Variants in TTLL10 observed in about 807,000 individuals in gnomAD.
TTLL10 encodes tubulin tyrosine ligase like 10.
TTLL10 carries 61 observed loss-of-function variants against 69.0 expected under a neutral mutation model. The observed-to-expected ratio is 0.88, with a 90% confidence interval of 0.72 to 1.09. The LOEUF is 1.09. Ranked by LOEUF, TTLL10 falls within the 50% of genes least tolerant of loss-of-function variation. The pLI, the probability that TTLL10 is intolerant of heterozygous loss-of-function variation, is 0.00. For missense variants in TTLL10, 962 were observed against 945.9 expected (o/e 1.02, Z -0.22); for synonymous variants, 408 against 393.3 (o/e 1.04, Z -0.44).
At position 1,180,517 on chromosome 1, in the gene TTLL10, C is replaced by T. The variant is rs1223923393; in HGVS notation, c.541C>T (p.Arg181Cys). The T allele has an allele frequency of 3.9e-6, 6 of 1,552,882 alleles. No individual in the cohort carries two copies. Among genetic ancestry groups the T allele is most frequent in the Middle Eastern group, 1.7e-4 (1 of 5,864 alleles). The change falls in exon 7 of 16, where the codon CGC becomes TGC. Residue 181 changes from arginine (R) to cysteine (C), a missense_variant. Arg to Cys is a radical substitution (Grantham distance 180). Coordinates refer to ENST00000379289, the MANE Select transcript of TTLL10 (RefSeq NM_001130045.2). ...SSYCKSKGWQ[R>C]IHDSRRDDYT... The stretch of plus-strand genomic sequence containing the variant: ...CTACTGCAAAAGCAAGGGCTGGCAG[C>T]GCATCCATGACAGCCGCCGGGACGA...
chr1:1,187,076 G>A (rs532602751), intron 13 of TTLL10, among the ~76,000 whole-genome samples: 55 of 151,746 alleles, frequency 3.6e-4, no homozygotes, highest in African/African-American at 1.3e-3. Flanking sequence ...TCGATCTCCT[G>A]ACCTCGTGAT....
At chr1:1,175,532 A>G (rs1236187653) in intron 3 of TTLL10, 2 of 373,860 alleles carry the variant, frequency 5.3e-6, no homozygotes, top group African/African-American at 2.1e-5. Flanking sequence ...TGTTTTCCTC[A>G]GAGTTGGCGA....
At chr1:1,175,274 C>T (rs1056233528) in intron 3 of TTLL10, 101 of 201,244 alleles carry the variant, frequency 5.0e-4, no homozygotes, top group African/African-American at 2.6e-3. Flanking sequence ...CCTCTTCCAG[C>T]TGCTGCTTCT....
intron 13 of TTLL10, among the ~76,000 whole-genome samples, chr1:1,190,394 C>G (rs72894023): frequency 0.11 from 16,222 of 151,500 alleles, 1,206 homozygotes; most frequent in African/African-American, 0.22. Flanking sequence ...TTCCTTCTTA[C>G]TACTTGCCTT....
At chr1:1,187,759 G>C (rs1240336944) in intron 13 of TTLL10, among the ~76,000 whole-genome samples, 1 of 152,162 alleles carries the variant, frequency 6.6e-6, no homozygotes. Context: ...ACAAAAATTA[G>C]CTGGGTGTGG....
intron 3 of TTLL10, 73 bp from the exon 4 acceptor site, chr1:1,179,116 C>T (rs1005822272): frequency 2.9e-5 from 30 of 1,052,416 alleles, no homozygotes; most frequent in Non-Finnish European, 3.5e-5. Flanking sequence ...TGACTGCCTG[C>T]TCCATCCAAG....
rs746808559 is a variant in TTLL10 at position 1,197,687 on chromosome 1, G to A, written c.1862G>A (p.Arg621His). 38 of 1,508,746 alleles carry A rather than the reference G, an allele frequency of 2.5e-5. No homozygotes were observed. The highest frequency in any genetic ancestry group is 4.9e-5 in the South Asian group (4 of 81,636). The allele number at this position is 1,508,746 out of a possible 1,614,324, so 93.5% of individuals were successfully genotyped here. The change falls in exon 16 of 16, where the codon CGT becomes CAT. Residue 621 changes from arginine to histidine, a missense_variant. By Grantham distance (29) the Arg-to-His change is conservative (BLOSUM62 0). Transcript: ENST00000379289. ...GCGCCACCTCCCTTGGTGCCGCAGC[G>A]TCCCCGGCCACCCGGCCCCGACCTG... ...RPAPPPLVPQ[R>H]PRPPGPDLDS...
chr1:1,194,060 A>G (rs1648028961), intron 13 of TTLL10, among the ~76,000 whole-genome samples: 1 of 152,118 alleles, frequency 6.6e-6, no homozygotes. Flanking sequence ...GGGGGCTGAG[A>G]TGGGAGGATC....
In TTLL10 at chr1:1,185,804, C is replaced by T; in HGVS notation, c.1401+695C>T. The T allele has an allele frequency of 1.0e-6, 1 of 985,496 alleles. No homozygotes were observed. The highest frequency in any genetic ancestry group is 1.2e-6 in the Non-Finnish European group (1 of 829,948). 61.0% of individuals were successfully genotyped at this position (985,496 alleles called of 1,614,324 possible). A position where few individuals can be genotyped will look rare whatever the true frequency, so the allele number is the denominator to read the frequency against. On this transcript the variant is annotated intron_variant, in intron 13 of 15. Coordinates refer to ENST00000379289, the MANE Select transcript of TTLL10 (RefSeq NM_001130045.2). This position sits in a 1 kb window ranked among gnomAD's most constrained non-coding sequence, Gnocchi z 6.1. ...GAGGAGCCTCCAGTTACTTTCCTCA[C>T]ATCTCCCAAACTCTCTCTTAATTGC...
Position 1,180,214 on chromosome 1 carries a change from AC to A in TTLL10, c.381del (p.Asp127GlufsTer66). 1.2e-6 allele frequency: 2 copies of A among 1,610,554 alleles called. No individual in the cohort carries two copies. Among genetic ancestry groups the A allele is most frequent in the Non-Finnish European group, 1.7e-6 (2 of 1,179,140 alleles). ...LNSHRPADSD[D>X]TNAAGPSAAL... ...AGCCACCGGCCTGCAGACTCGGATG[AC>A]ACTAACGCCGCCGGGCCCTCAGCTG... On this transcript the variant is annotated frameshift_variant, in exon 6 of 16. Transcript: ENST00000379289. LOFTEE classifies it high-confidence loss of function.
In TTLL10 at chr1:1,179,062, A is replaced by G. The variant is rs1045175528; in HGVS notation, c.-27-127A>G. 32 of 631,358 alleles carry G rather than the reference A, an allele frequency of 5.1e-5. No individual in the cohort carries two copies. In the Middle Eastern group the frequency reaches 1.7e-3, roughly 34 times the overall value. 39.1% of individuals were successfully genotyped at this position (631,358 alleles called of 1,614,324 possible). On this transcript the variant is annotated intron_variant, in intron 3 of 15. Transcript: ENST00000379289. ...GGAGCCAGCCGCACGCAGAGGCTCA[A>G]GCCCACGGCCCTGGGAGGCGCCCTT...
intron 3 of TTLL10, chr1:1,176,461 C>G (rs995517564): frequency 2.9e-5 from 13 of 451,946 alleles, no homozygotes; most frequent in Admixed American, 7.1e-5. Context: ...CCTGACAGCT[C>G]ACTCCTGTGA....
At chr1:1,194,124 C>G (rs1390411642) in intron 13 of TTLL10, among the ~76,000 whole-genome samples, 1 of 152,082 alleles carries the variant, frequency 6.6e-6, no homozygotes, top group African/African-American at 2.4e-5. Flanking sequence ...CCACATTACC[C>G]CAGCCTAGGT....
rs1240368856 is a variant in TTLL10, at chr1:1,185,841, G to A, written c.1401+732G>A. On this transcript the variant is annotated intron_variant, in intron 13 of 15. Coordinates refer to ENST00000379289, the MANE Select transcript of TTLL10 (RefSeq NM_001130045.2). This position sits in a 1 kb window ranked among gnomAD's most constrained non-coding sequence, Gnocchi z 6.1. ...TCTCTCTTAATTGCGATAATTCACA[G>A]AACATAAAATTCACGATCTTAAAGT... 3 of 985,106 alleles carry A rather than the reference G, an allele frequency of 3.0e-6. No individual in the cohort carries two copies. Among genetic ancestry groups the A allele is most frequent in the African/African-American group, 1.7e-5 (1 of 57,210 alleles). The allele number at this position is 985,106 out of a possible 1,614,324, so 61.0% of individuals were successfully genotyped here.
chr1:1,187,553 C>A (rs2100900998), intron 13 of TTLL10, among the ~76,000 whole-genome samples: 1 of 152,110 alleles, frequency 6.6e-6, no homozygotes, highest in South Asian at 2.1e-4. Context: ...TTGCTTGAAC[C>A]CGGGAGGTGG....
Position 1,183,011 on chromosome 1 carries a change from C to A in TTLL10, c.1052C>A (p.Thr351Lys). 6.2e-7 allele frequency: 1 copy of A among 1,609,550 alleles called. No homozygotes were observed. The highest frequency in any genetic ancestry group is 8.5e-7 in the Non-Finnish European group (1 of 1,178,420). Residue 351 changes from threonine (T) to lysine (K), a missense_variant, in exon 11 of 16, where the codon ACG becomes AAG. Thr to Lys is a moderately conservative substitution (Grantham distance 78, BLOSUM62 -1). Transcript: ENST00000379289. The part of the protein sequence containing the change: ...SMEDDPIHHK[T>K]PFRGPQARVV... ...GAGGACGACCCCATCCACCACAAGA[C>A]GCCGTTCCGGGGGCCTCAGGCGCGG...
Position 1,180,153 on chromosome 1 carries a change from G to T in TTLL10, c.319G>T (p.Ala107Ser). ...GCCGGACCTGGAGGGGGCAGAAAGA[G>T]CCTCTGCCACACCCGGACCCCCTGG... Reference protein sequence around the residue: ...CGPDLEGAERASATPGPPGLL... With the variant: ...CGPDLEGAERSSATPGPPGLL... The change falls in exon 6 of 16, where the codon GCC (alanine) becomes TCC (serine). Residue 107 changes from alanine (A) to serine (S), a missense_variant. Coordinates refer to ENST00000379289, the MANE Select transcript of TTLL10 (RefSeq NM_001130045.2). 1.2e-6 allele frequency: 2 copies of T among 1,611,284 alleles called. No homozygotes were observed. Among genetic ancestry groups the T allele is most frequent in the Non-Finnish European group, 1.7e-6 (2 of 1,179,430 alleles).
chr1:1,177,252 C>G (rs1208194454), intron 3 of TTLL10, among the ~76,000 whole-genome samples: 1 of 149,774 alleles, frequency 6.7e-6, no homozygotes, highest in Non-Finnish European at 1.5e-5. Flanking sequence ...GTCGACATGT[C>G]TGTGTGTGTC....
At chr1:1,192,415 A>ATGTAGACACTCCAGTTGGTATGAG (rs1557490122) in intron 13 of TTLL10, among the ~76,000 whole-genome samples, 20 of 109,072 alleles carry the variant, frequency 1.8e-4, no homozygotes, top group African/African-American at 7.3e-4. Flanking sequence ...GTTGATATGA[A>ATGTAGACACTCCAGTTGGTATGAG]TGTAGACACT....
Sources: allele counts gnomAD v4.1 joint callset (sites outside exome capture counted in the v4.1 genomes callset), GRCh38; gene constraint gnomAD v4.1.1; non-coding constraint Gnocchi (gnomAD v3.1); transcripts MANE v1.5; gene names NCBI Gene and HGNC (gene_info 2026-07-23, HGNC 2026-07-21).